WDR93: variants seen among roughly 807,000 people sequenced by gnomAD.
WDR93 encodes WD repeat domain 93.
WDR93 carries 73 observed loss-of-function variants against 82.9 expected under a neutral mutation model. The ratio of observed to expected loss-of-function variants is 0.88; its 90% CI spans 0.73 to 1.07. The LOEUF (loss-of-function observed/expected upper bound fraction) is 1.07. WDR93 is among the 50% of genes least tolerant of loss of function. WDR93 has a pLI of 0.00. For missense variants in WDR93, 738 were observed against 826.0 expected (o/e 0.89, Z 1.31); for synonymous variants, 283 against 300.1 (o/e 0.94, Z 0.59).
intron 1 of WDR93, among the ~76,000 whole-genome samples, chr15:89,699,226 A>AT (rs1965336125): frequency 6.6e-6 from 1 of 152,046 alleles, no homozygotes; most frequent in Non-Finnish European, 1.5e-5. Context: ...AATTCTTTCA[A>AT]TTTTTGTATG....
chr15:89,690,670 A>T, upstream of WDR93: 1 of 1,505,278 alleles, frequency 6.6e-7, no homozygotes, highest in Non-Finnish European at 9.0e-7. Flanking sequence ...CACGGGGCTC[A>T]GGCGTGGGTC....
intron 8 of WDR93, among the ~76,000 whole-genome samples, chr15:89,725,122 G>C (rs1966682343): frequency 6.6e-6 from 1 of 152,118 alleles, no homozygotes; most frequent in African/African-American, 2.4e-5. Context: ...GTGTGTTCCA[G>C]GAAACATGTG....
intron 4 of WDR93, among the ~76,000 whole-genome samples, chr15:89,711,676 G>A (rs577205719): frequency 1.1e-4 from 17 of 152,282 alleles, no homozygotes; most frequent in African/African-American, 4.1e-4. Context: ...AGTTTTCAGT[G>A]TCATGTAGAA....
chr15:89,739,682 C>T (rs1319319060), intron 16 of WDR93, among the ~76,000 whole-genome samples: 3 of 152,130 alleles, frequency 2.0e-5, no homozygotes, highest in Non-Finnish European at 4.4e-5. Context: ...ATCCTCGTCC[C>T]GGGCCTGCCA....
intron 5 of WDR93, among the ~76,000 whole-genome samples, chr15:89,714,635 A>G (rs1567110969): frequency 6.6e-6 from 1 of 152,096 alleles, no homozygotes; most frequent in Non-Finnish European, 1.5e-5. Flanking sequence ...TATTTTTTTT[A>G]ATGTCAATGG....
At chr15:89,719,278 A>G (rs937941438) in intron 7 of WDR93, among the ~76,000 whole-genome samples, 2 of 152,138 alleles carry the variant, frequency 1.3e-5, no homozygotes, top group African/African-American at 4.8e-5. Context: ...TTATAGAAAA[A>G]CATGTTGCTC....
Position 89,727,289 on chromosome 15 carries a change from A to G in WDR93, c.1013A>G (p.Lys338Arg), listed in dbSNP as rs549614437. Reference sequence around the variant, plus strand: ...GCTGAGATCTTCAACGCTTCCTACAAGAAGTACCTAGATAGGGAGTGGGAG... The same window carrying G: ...GCTGAGATCTTCAACGCTTCCTACAGGAAGTACCTAGATAGGGAGTGGGAG... ...QQAEIFNASY[K>R]KYLDREWEEE... Residue 338 changes from lysine to arginine, a missense_variant, in exon 9 of 17, where the codon AAG (lysine) becomes AGG (arginine). Lys to Arg is a conservative substitution (Grantham distance 26, BLOSUM62 2). Coordinates refer to ENST00000268130, the MANE Select transcript of WDR93 (RefSeq NM_020212.2). 14 of 1,614,102 alleles carry G rather than the reference A, an allele frequency of 8.7e-6. No homozygotes were observed. In the East Asian group the frequency reaches 2.5e-4, roughly 28 times the overall value.
Position 89,712,047 on chromosome 15 carries a change from ACCTG to A in WDR93, c.584_587del (p.Thr195IlefsTer2), listed in dbSNP as rs780784774. 6.2e-7 allele frequency: 1 copy of A among 1,613,406 alleles called. No individual in the cohort carries two copies. Among genetic ancestry groups the A allele is most frequent in the South Asian group, 1.1e-5 (1 of 90,934 alleles). On this transcript the variant is annotated frameshift_variant, in exon 5 of 17. Transcript: ENST00000268130. LOFTEE classifies it high-confidence loss of function. ...TCAGGATGATACCAGCAAGCAAACT[ACCTG>A]TATAAAGATGGAGATCTCTCAAGGA... is the stretch of plus-strand genomic sequence containing the variant.
At chr15:89,692,609 T>TTTTTTG (rs987136032) in intron 1 of WDR93, among the ~76,000 whole-genome samples, 6 of 152,056 alleles carry the variant, frequency 3.9e-5, no homozygotes, top group African/African-American at 1.4e-4. Context: ...GTATCATCTG[T>TTTTTTG]TTTTTGTTTT....
At chr15:89,708,485 GC>G in intron 4 of WDR93, among the ~76,000 whole-genome samples, 1 of 152,218 alleles carries the variant, frequency 6.6e-6, no homozygotes, top group African/African-American at 2.4e-5. Flanking sequence ...AGACCCAGCA[GC>G]TGCCAGTCCT....
intron 5 of WDR93, among the ~76,000 whole-genome samples, chr15:89,713,542 G>A (rs1260630278): frequency 2.6e-5 from 4 of 151,440 alleles, no homozygotes; most frequent in African/African-American, 9.7e-5. Flanking sequence ...GCATGATCTC[G>A]GCTCACTGTA....
rs1238416671 is a variant in WDR93, at chr15:89,733,204, G to T, written c.1529G>T (p.Ser510Ile). ...EASGTQGPTI[S>I]VLVERPVKHL... The stretch of plus-strand genomic sequence containing the variant: ...AGCGGGACCCAAGGACCCACCATCA[G>T]TGTGCTTGTTGAGAGGTCAGTAGCT... Residue 510 changes from serine (S) to isoleucine (I), a missense_variant, in exon 13 of 17, where the codon AGT becomes ATT. Physicochemically the swap from Ser to Ile is moderately radical, Grantham distance 142. Transcript: ENST00000268130. The T allele has an allele frequency of 3.7e-6, 6 of 1,613,776 alleles. No individual in the cohort carries two copies. Among genetic ancestry groups the T allele is most frequent in the Non-Finnish European group, 5.1e-6 (6 of 1,179,824 alleles).
chr15:89,731,325 G>A, intron 11 of WDR93, 118 bp from the exon 12 acceptor site: 1 of 1,465,470 alleles, frequency 6.8e-7, no homozygotes, highest in Non-Finnish European at 9.3e-7. Context: ...CCAGACAGGT[G>A]CTCCTGGTTC....
intron 1 of WDR93, among the ~76,000 whole-genome samples, chr15:89,693,071 C>T (rs930757602): frequency 6.6e-6 from 1 of 151,930 alleles, no homozygotes; most frequent in African/African-American, 2.4e-5. Flanking sequence ...TTTTTTATTC[C>T]ACAATGTGAA....
intron 8 of WDR93, 47 bp from the exon 9 acceptor site, chr15:89,727,110 A>G (rs1202538597): frequency 1.3e-6 from 2 of 1,584,196 alleles, no homozygotes; most frequent in African/African-American, 2.7e-5. Context: ...AAATCAGGAA[A>G]GGGGGAGTCA....
intron 5 of WDR93, 32 bp downstream of exon 5, chr15:89,712,136 A>G: frequency 6.5e-7 from 1 of 1,547,288 alleles, no homozygotes. Flanking sequence ...TAAGGTTCAA[A>G]TTTTCAGTCT....
chr15:89,702,290 C>T (rs1290492083), intron 2 of WDR93, among the ~76,000 whole-genome samples: 2 of 152,258 alleles, frequency 1.3e-5, no homozygotes, highest in East Asian at 3.9e-4. Flanking sequence ...ACTGAAAAAT[C>T]TTCTTAATGT....
chr15:89,697,137 C>G (rs11852884), intron 1 of WDR93, among the ~76,000 whole-genome samples: 66,184 of 151,692 alleles, frequency 0.44, 14,902 homozygotes, highest in African/African-American at 0.5. Flanking sequence ...TTTAAAATTC[C>G]TTGTAGAGAT....
rs193071149 is a variant in WDR93 at position 89,713,983 on chromosome 15, C to G, written c.641-997C>G. 7.4e-3 allele frequency among the ~76,000 whole-genome samples: 1,127 copies of G among 152,244 alleles called. 16 individuals are homozygous for G. Among genetic ancestry groups the G allele is most frequent in the African/African-American group, 0.026 (1,083 of 41,522 alleles). On this transcript the variant is annotated intron_variant, in intron 5 of 16. Transcript: ENST00000268130. The stretch of plus-strand genomic sequence containing the variant: ...AAAAAAATTTAGCCAGGATCCCATA[C>G]CATGGGAGAACAACCTTTCCTAGGT...
Sources: allele counts gnomAD v4.1 joint callset (sites outside exome capture counted in the v4.1 genomes callset), GRCh38; gene constraint gnomAD v4.1.1; transcripts MANE v1.5; gene names NCBI Gene and HGNC (gene_info 2026-07-23, HGNC 2026-07-21).